Variants in MAPKAPK2 observed in about 807,000 individuals in gnomAD.
MAPKAPK2 encodes the protein MAPK activated protein kinase 2, also known as MAP kinase-activated protein kinase 2.
Under a neutral mutation model 48.8 loss-of-function variants are expected in MAPKAPK2, and 9 were observed. The ratio of observed to expected loss-of-function variants is 0.18; its 90% CI spans 0.11 to 0.32. MAPKAPK2 has a LOEUF of 0.32. MAPKAPK2 is among the 10% of genes least tolerant of loss of function. MAPKAPK2 has a pLI of 1.00. For synonymous variants in MAPKAPK2, 202 were observed against 190.6 expected, an observed-to-expected ratio of 1.06 and a Z score of -0.49; for missense variants, 331 against 498.3, an observed-to-expected ratio of 0.66 and a Z score of 3.20.
intron 1 of MAPKAPK2, among the ~76,000 whole-genome samples, chr1:206,712,813 A>G (rs1673197189): frequency 6.6e-6 from 1 of 152,014 alleles, no homozygotes; most frequent in Non-Finnish European, 1.5e-5. Flanking sequence ...TAAAAATATA[A>G]AAATTTGCTG....
At chr1:206,697,659 C>T (rs575041552) in intron 1 of MAPKAPK2, among the ~76,000 whole-genome samples, 2 of 152,348 alleles carry the variant, frequency 1.3e-5, no homozygotes, top group African/African-American at 4.8e-5. Flanking sequence ...ACCCAAACAT[C>T]TCCCACCGGG....
chr1:206,718,054 A>G (rs1572504339), intron 1 of MAPKAPK2, among the ~76,000 whole-genome samples: 10 of 152,240 alleles, frequency 6.6e-5, no homozygotes, highest in Admixed American at 6.5e-4. Flanking sequence ...GGATTATGCT[A>G]TATATTCTGT....
chr1:206,721,828 A>G (rs531874791), intron 1 of MAPKAPK2, among the ~76,000 whole-genome samples: 1 of 152,172 alleles, frequency 6.6e-6, no homozygotes. Flanking sequence ...AAAACTTTTG[A>G]TCTGAGTTGG....
chr1:206,715,629 C>CT (rs11349381), intron 1 of MAPKAPK2, among the ~76,000 whole-genome samples: 31,592 of 131,458 alleles, frequency 0.24, 3,794 homozygotes, highest in Middle Eastern at 0.31. Context: ...TTCTTTCTTT[C>CT]TTTTTTTTTT....
chr1:206,709,517 G>A (rs1041943199), intron 1 of MAPKAPK2, among the ~76,000 whole-genome samples: 4 of 152,144 alleles, frequency 2.6e-5, no homozygotes, highest in African/African-American at 7.2e-5. Flanking sequence ...TGGCAGCCAC[G>A]TCATGGCATC....
chr1:206,729,991 C>T lies in MAPKAPK2; in HGVS notation c.584C>T (p.Thr195Ile). ...RDVKPENLLY[T>I]SKRPNAILKL... ...CTGTAGCCTGAGAATCTCTTATACACCTCCAAAAGGCCCAACGCCATCCTG... is the reference window on the plus strand; with the variant it reads ...CTGTAGCCTGAGAATCTCTTATACATCTCCAAAAGGCCCAACGCCATCCTG... Residue 195 changes from threonine (T) to isoleucine (I), a missense_variant, in exon 5 of 10, where the codon ACC (threonine) becomes ATC (isoleucine). By Grantham distance (89) the Thr-to-Ile change is moderately conservative (BLOSUM62 -1). Around this residue, in one of 4 missense-constraint regions of MAPKAPK2, gnomAD observed 111 missense variants for 193.6 expected, o/e 0.57. Coordinates refer to ENST00000367103, the MANE Select transcript of MAPKAPK2 (RefSeq NM_032960.4). 1 of 1,614,246 alleles carries T rather than the reference C, an allele frequency of 6.2e-7. No individual in the cohort carries two copies. Among genetic ancestry groups the T allele is most frequent in the Non-Finnish European group, 8.5e-7 (1 of 1,180,044 alleles).
intron 1 of MAPKAPK2, among the ~76,000 whole-genome samples, chr1:206,701,339 C>T (rs34585878): frequency 3.9e-5 from 6 of 152,132 alleles, no homozygotes; most frequent in African/African-American, 4.8e-5. Flanking sequence ...CTAGTGGCCA[C>T]GGTTTTATGT....
intron 1 of MAPKAPK2, among the ~76,000 whole-genome samples, chr1:206,692,862 G>A (rs1408820509): frequency 6.6e-6 from 1 of 152,230 alleles, no homozygotes; most frequent in Non-Finnish European, 1.5e-5. Flanking sequence ...AGAGGCGGAA[G>A]CTAGTGGCCA....
chr1:206,709,892 A>T (rs1325999848), intron 1 of MAPKAPK2, among the ~76,000 whole-genome samples: 1 of 152,162 alleles, frequency 6.6e-6, no homozygotes, highest in Non-Finnish European at 1.5e-5. Flanking sequence ...CCCCCAAGTT[A>T]TGACAACAGA....
At position 206,732,963 on chromosome 1, in the gene MAPKAPK2, A is replaced by G. The variant is rs528464908; in HGVS notation, c.*245A>G. The G allele has an allele frequency of 1.0e-4, 49 of 476,092 alleles. 1 individual carries two copies. The highest frequency in any genetic ancestry group is 5.4e-4 in the Middle Eastern group (1 of 1,860). The allele number at this position is 476,092 out of a possible 1,614,324, so 29.5% of individuals were successfully genotyped here. A position where few individuals can be genotyped will look rare whatever the true frequency, so the allele number is the denominator to read the frequency against. The stretch of plus-strand genomic sequence containing the variant: ...CTCTTGAACCTGTGCTCATTTTGCA[A>G]TTTTATCAGTAATTTGACTTAGAGT... On this transcript the variant is annotated 3_prime_UTR_variant, in exon 10 of 10. Transcript: ENST00000367103. The surrounding 1 kb of genome is among the most constrained non-coding windows in gnomAD (Gnocchi z 4.4).
At chr1:206,721,234 T>G (rs1553431172) in intron 1 of MAPKAPK2, among the ~76,000 whole-genome samples, 2 of 152,128 alleles carry the variant, frequency 1.3e-5, no homozygotes, top group Admixed American at 6.5e-5. Context: ...CCCCTTCACC[T>G]TCCACCATGA....
intron 1 of MAPKAPK2, among the ~76,000 whole-genome samples, chr1:206,711,814 G>T (rs923957332): frequency 9.2e-5 from 14 of 151,498 alleles, no homozygotes; most frequent in Non-Finnish European, 1.9e-4. Context: ...GTAGAGACAG[G>T]GTTTTGCCAT....
chr1:206,716,559 T>G (rs1281904319), intron 1 of MAPKAPK2, among the ~76,000 whole-genome samples: 1 of 152,162 alleles, frequency 6.6e-6, no homozygotes, highest in Admixed American at 6.5e-5. Context: ...TCAACTCTCC[T>G]CCACCCCCTG....
chr1:206,708,541 A>G (rs1457625419), intron 1 of MAPKAPK2, among the ~76,000 whole-genome samples: 1 of 152,190 alleles, frequency 6.6e-6, no homozygotes, highest in Non-Finnish European at 1.5e-5. Context: ...GCAGACATCA[A>G]TGTACTTTAC....
rs374110368 is a variant in MAPKAPK2, at chr1:206,732,021, T to A, written c.1059+102T>A. The A allele has an allele frequency of 6.2e-7, 1 of 1,614,038 alleles. No homozygotes were observed. ...GTGCTGGTAGGGGAGAGCTTGATTCTGCCTCTCTCATCCCAGGGGTGTCTT... is the reference window on the plus strand; with the variant it reads ...GTGCTGGTAGGGGAGAGCTTGATTCAGCCTCTCTCATCCCAGGGGTGTCTT... On this transcript the variant is annotated intron_variant, in intron 9 of 9. Coordinates refer to ENST00000367103, the MANE Select transcript of MAPKAPK2 (RefSeq NM_032960.4). This position sits in a 1 kb window ranked among gnomAD's most constrained non-coding sequence, Gnocchi z 4.4.
chr1:206,715,922 G>C (rs1553430295), intron 1 of MAPKAPK2, among the ~76,000 whole-genome samples: 3 of 151,718 alleles, frequency 2.0e-5, no homozygotes, highest in South Asian at 2.1e-4. Flanking sequence ...AAAGTGCTGG[G>C]ATTTCAGTGT....
rs539137735 is a variant in MAPKAPK2, at chr1:206,710,119, T to A, written c.280-18591T>A. Among the ~76,000 whole-genome samples, 8 of 152,358 alleles carry A rather than the reference T, an allele frequency of 5.3e-5. 1 individual carries two copies. The highest frequency in any genetic ancestry group is 1.9e-4 in the African/African-American group (8 of 41,580). On this transcript the variant is annotated intron_variant, in intron 1 of 9. Coordinates refer to ENST00000367103, the MANE Select transcript of MAPKAPK2 (RefSeq NM_032960.4). The stretch of plus-strand genomic sequence containing the variant: ...TTTCATGGTTCTAATCTGTGTGAAT[T>A]TCAGTTACTATGGTTTGGTTAAATA...
At chr1:206,729,365 T>C (rs782698704) in intron 3 of MAPKAPK2, 31 bp from the exon 4 acceptor site, 3 of 1,572,508 alleles carry the variant, frequency 1.9e-6, no homozygotes, top group Non-Finnish European at 2.6e-6. Context: ...TGTGACTTTC[T>C]TTCCCACTCA....
chr1:206,734,121 G>C lies in MAPKAPK2; in HGVS notation c.*1403G>C, dbSNP rs535882368. ...ACTTCACCTTTCCTCTCCCTCAGGGGCAGGTGGTGGAGGGGCGCCCAGGGT... is the reference window on the plus strand; with the variant it reads ...ACTTCACCTTTCCTCTCCCTCAGGGCCAGGTGGTGGAGGGGCGCCCAGGGT... On this transcript the variant is annotated 3_prime_UTR_variant, in exon 10 of 10. Coordinates refer to ENST00000367103, the MANE Select transcript of MAPKAPK2 (RefSeq NM_032960.4). 6.5e-6 allele frequency: 1 copy of C among 152,898 alleles called. No individual in the cohort carries two copies. The highest frequency in any genetic ancestry group is 1.5e-5 in the Non-Finnish European group (1 of 68,042). 9.5% of individuals were successfully genotyped at this position (152,898 alleles called of 1,614,324 possible).
Sources: gnomAD v4.1 joint callset for allele counts (sites outside exome capture counted in the v4.1 genomes callset) on GRCh38, gnomAD v4.1.1 for gene constraint, gnomAD v4.1.1 regional missense constraint, Gnocchi (gnomAD v3.1) non-coding constraint, MANE v1.5 for transcripts, NCBI Gene and HGNC (gene_info 2026-07-23, HGNC 2026-07-21) for gene names.